AUTS2: variants seen among roughly 807,000 people sequenced by gnomAD.
AUTS2 encodes activator of transcription and developmental regulator AUTS2, also known as autism susceptibility gene 2 protein.
In AUTS2, 17 loss-of-function variants were observed where a neutral mutation model predicts 112.4. The ratio of observed to expected loss-of-function variants is 0.15; its 90% confidence interval spans 0.10 to 0.23. The LOEUF is 0.23. AUTS2 is among the 10% of genes least tolerant of loss of function. The pLI is 1.00. For synonymous variants in AUTS2, 751 were observed against 702.7 expected, an observed-to-expected ratio of 1.07 and a Z score of -1.09; for missense variants, 1,510 against 1,701.6, an observed-to-expected ratio of 0.89 and a Z score of 1.98.
chr7:70,340,636 G>A (rs1327490201), intron 4 of AUTS2, among the ~76,000 whole-genome samples: 1 of 152,210 alleles, frequency 6.6e-6, no homozygotes, highest in Non-Finnish European at 1.5e-5. Flanking sequence ...GGAAACTCAG[G>A]AGTTAAGGTC....
At chr7:70,001,086 T>C (rs1323333450) in intron 2 of AUTS2, among the ~76,000 whole-genome samples, 1 of 152,088 alleles carries the variant, frequency 6.6e-6, no homozygotes, top group Non-Finnish European at 1.5e-5. Flanking sequence ...AGCCTAAAAA[T>C]ATCAGAGAAA....
intron 4 of AUTS2, among the ~76,000 whole-genome samples, chr7:70,158,901 C>T (rs1807929974): frequency 6.6e-6 from 1 of 150,574 alleles, no homozygotes; most frequent in Non-Finnish European, 1.5e-5. Context: ...TATAAATAAT[C>T]ATCTACATAT....
intron 6 of AUTS2, among the ~76,000 whole-genome samples, chr7:70,709,155 G>A (rs1398948664): frequency 6.6e-6 from 1 of 151,796 alleles, no homozygotes. Flanking sequence ...CTGACCTCGT[G>A]ATCCGCTCAC....
intron 5 of AUTS2, among the ~76,000 whole-genome samples, chr7:70,696,663 C>T (rs1292895663): frequency 6.8e-6 from 1 of 146,994 alleles, no homozygotes; most frequent in African/African-American, 2.5e-5. Context: ...AGCTTCTGTC[C>T]TTTTCACTCG....
intron 4 of AUTS2, among the ~76,000 whole-genome samples, chr7:70,243,724 C>T (rs1812750601): frequency 6.6e-6 from 1 of 152,130 alleles, no homozygotes; most frequent in African/African-American, 2.4e-5. Context: ...CTTCTAGACA[C>T]ATTGCTTCCC....
At position 70,790,710 on chromosome 7, in the gene AUTS2, C is replaced by A; in HGVS notation, c.3494C>A (p.Thr1165Lys). 1 of 1,613,642 alleles carries A rather than the reference C, an allele frequency of 6.2e-7. No individual in the cohort carries two copies. The highest frequency in any genetic ancestry group is 8.5e-7 in the Non-Finnish European group (1 of 1,179,976). Reference sequence around the variant, plus strand: ...ATGCTCAGAGAAGACTACGAGCACACGCGGCTCCACTCCGTGCACCCCGCC... The same window carrying A: ...ATGCTCAGAGAAGACTACGAGCACAAGCGGCTCCACTCCGTGCACCCCGCC... ...LHMLREDYEHTRLHSVHPASL... is the reference protein window; with the variant it reads ...LHMLREDYEHKRLHSVHPASL... Residue 1165 changes from threonine (T) to lysine (K), a missense_variant, in exon 19 of 19, where the codon ACG (threonine) becomes AAG (lysine). Transcript: ENST00000342771. This position sits in a 1 kb window ranked among gnomAD's most constrained non-coding sequence, Gnocchi z 7.6.
chr7:70,054,509 G>A (rs1801904096), intron 2 of AUTS2, among the ~76,000 whole-genome samples: 1 of 152,040 alleles, frequency 6.6e-6, no homozygotes, highest in Non-Finnish European at 1.5e-5. Flanking sequence ...CCCAAAGATG[G>A]GGGCATTCGC....
In AUTS2 at chr7:69,952,582, T is replaced by C. The variant is rs73168769; in HGVS notation, c.522+53084T>C. Reference sequence around the variant, plus strand: ...GACTTTGGGCATGAGTTTCTGCCTCTGTGGGTCTTATTTTTCCCTGTTATC... The same window carrying C: ...GACTTTGGGCATGAGTTTCTGCCTCCGTGGGTCTTATTTTTCCCTGTTATC... On this transcript the variant is annotated intron_variant, in intron 2 of 18. Transcript: ENST00000342771. Among the ~76,000 whole-genome samples, 640 of 152,312 alleles carry C rather than the reference T, an allele frequency of 4.2e-3. 5 individuals are homozygous for C. The highest frequency in any genetic ancestry group is 5.8e-3 in the Non-Finnish European group (397 of 68,020).
At chr7:70,046,988 T>C (rs1801535161) in intron 2 of AUTS2, among the ~76,000 whole-genome samples, 1 of 152,228 alleles carries the variant, frequency 6.6e-6, no homozygotes, top group African/African-American at 2.4e-5. Flanking sequence ...GGTTTTTTAT[T>C]GTGCCGAATA....
chr7:70,532,463 G>GCCTC (rs1800136672), intron 5 of AUTS2, among the ~76,000 whole-genome samples: 1 of 152,210 alleles, frequency 6.6e-6, no homozygotes, highest in Non-Finnish European at 1.5e-5. Context: ...TGAAGGTGTA[G>GCCTC]TTGTTCAACC....
At chr7:69,677,111 A>T (rs1409870201) in intron 1 of AUTS2, among the ~76,000 whole-genome samples, 1 of 152,168 alleles carries the variant, frequency 6.6e-6, no homozygotes, top group Non-Finnish European at 1.5e-5. Context: ...GTTTCTGAAG[A>T]AATATAGGCT....
chr7:69,788,599 T>A (rs569831584), intron 1 of AUTS2, among the ~76,000 whole-genome samples: 1 of 152,280 alleles, frequency 6.6e-6, no homozygotes, highest in East Asian at 1.9e-4. Context: ...GAATACAGTT[T>A]AACCTGAAGG....
chr7:69,975,088 C>A (rs1432432260), intron 2 of AUTS2, among the ~76,000 whole-genome samples: 3 of 152,016 alleles, frequency 2.0e-5, no homozygotes, highest in African/African-American at 7.2e-5. Flanking sequence ...CTGTTGCTTA[C>A]TGAGGAATGT....
At chr7:70,348,029 GAGAGTGGTTTA>G (rs1277092129) in intron 4 of AUTS2, among the ~76,000 whole-genome samples, 7 of 152,334 alleles carry the variant, frequency 4.6e-5, no homozygotes, top group Non-Finnish European at 1.0e-4. Flanking sequence ...CAGCAGAGCA[GAGAGTGGTTTA>G]AGAGTGGTTT....
intron 2 of AUTS2, among the ~76,000 whole-genome samples, chr7:70,005,211 T>C (rs1457383492): frequency 6.6e-6 from 1 of 152,154 alleles, no homozygotes; most frequent in Admixed American, 6.5e-5. Context: ...TATTTTTTTC[T>C]TATGGAACGT....
intron 5 of AUTS2, among the ~76,000 whole-genome samples, chr7:70,466,811 C>T (rs1034171974): frequency 6.6e-6 from 1 of 152,084 alleles, no homozygotes; most frequent in South Asian, 2.1e-4. Context: ...GCATTTAAAG[C>T]AGGGATAGAC....
chr7:69,782,211 A>G (rs1775446304), intron 1 of AUTS2, among the ~76,000 whole-genome samples: 1 of 151,888 alleles, frequency 6.6e-6, no homozygotes, highest in African/African-American at 2.4e-5. Flanking sequence ...CTAAAAAGAG[A>G]GATCAGCTGG....
At chr7:70,024,332 A>T (rs190646120) in intron 2 of AUTS2, among the ~76,000 whole-genome samples, 8 of 152,346 alleles carry the variant, frequency 5.3e-5, no homozygotes, top group Admixed American at 2.0e-4. Context: ...TGAATTGAGA[A>T]CAACATGTGT....
At chr7:70,556,466 C>G (rs547818813) in intron 5 of AUTS2, among the ~76,000 whole-genome samples, 4 of 152,200 alleles carry the variant, frequency 2.6e-5, no homozygotes, top group Non-Finnish European at 5.9e-5. Context: ...CTCATAAGGA[C>G]TGGGATTGTC....
Sources: allele counts gnomAD v4.1 joint callset (sites outside exome capture counted in the v4.1 genomes callset), GRCh38; gene constraint gnomAD v4.1.1; non-coding constraint Gnocchi (gnomAD v3.1); transcripts MANE v1.5; gene names NCBI Gene and HGNC (gene_info 2026-07-23, HGNC 2026-07-21).